Variants in SELENON observed in about 807,000 individuals in gnomAD.
SELENON encodes selenoprotein N, 1.
In SELENON, 44 loss-of-function variants were observed where a neutral mutation model predicts 59.5. That is an observed-to-expected ratio of 0.74 (90% CI 0.58 to 0.95). The LOEUF (loss-of-function observed/expected upper bound fraction) is 0.95, where lower values mean the gene tolerates loss of function less well. Ranked by LOEUF, SELENON falls within the 40% of genes least tolerant of loss-of-function variation. SELENON has a pLI of 0.00. For synonymous variants in SELENON, 320 were observed against 305.6 expected, an observed-to-expected ratio of 1.05 and a Z score of -0.49; for missense variants, 674 against 721.4, an observed-to-expected ratio of 0.93 and a Z score of 0.75.
intron 4 of SELENON, 38 bp downstream of exon 3, chr1:25,805,313 G>A (rs757911753): frequency 6.2e-7 from 1 of 1,613,426 alleles, no homozygotes; most frequent in Admixed American, 1.7e-5. Flanking sequence ...TCATCTGTGT[G>A]TATCCCGAAG....
chr1:25,814,263 TC>T, intron 12 of SELENON, 85 bp downstream of exon 11: 1 of 998,352 alleles, frequency 1.0e-6, no homozygotes. Context: ...TGTGCAGACT[TC>T]ATCAGGCTTC....
Position 25,813,873 on chromosome 1 carries a change from C to CT in SELENON, c.1388-7dup, listed in dbSNP as rs760765615. 1.2e-6 allele frequency: 2 copies of CT among 1,612,674 alleles called. No individual in the cohort carries two copies. The highest frequency in any genetic ancestry group is 1.7e-6 in the Non-Finnish European group (2 of 1,178,840). On this transcript the variant is annotated splice_polypyrimidine_tract_variant and splice_region_variant and intron_variant, in intron 10 of 12. Coordinates refer to ENST00000361547, the MANE Select transcript of SELENON (RefSeq NM_020451.3). ...GGGGGCGCCTCACCCTTCTGTCTTC[C>CT]TGAACAGGTTCAGGGCGGACTCTCC...
rs966454199 is a variant in SELENON, at chr1:25,817,953, C to T, written c.*2235C>T. Reference sequence around the variant, plus strand: ...TGATGCTCTCTCTCTGCCTCCCCCCCCATCCTGTCAGGCACAGGTGACGGG... The same window carrying T: ...TGATGCTCTCTCTCTGCCTCCCCCCTCATCCTGTCAGGCACAGGTGACGGG... On this transcript the variant is annotated 3_prime_UTR_variant, in exon 13 of 13. Coordinates refer to ENST00000361547, the MANE Select transcript of SELENON (RefSeq NM_020451.3). The T allele has an allele frequency of 2.6e-5, 4 of 151,808 alleles. No individual in the cohort carries two copies. Among genetic ancestry groups the T allele is most frequent in the African/African-American group, 4.9e-5 (2 of 40,924 alleles). The allele number at this position is 151,808 out of a possible 1,614,324, so 9.4% of individuals were successfully genotyped here.
chr1:25,815,478 T>C (rs1461432854), intron 12 of SELENON, 70 bp from the exon 12 acceptor site: 32 of 1,335,664 alleles, frequency 2.4e-5, no homozygotes, highest in Admixed American at 3.4e-5. Context: ...CTTCTCCCCA[T>C]AGAAGAGAGG....
chr1:25,806,128 G>A lies in SELENON; in HGVS notation c.537+853G>A, dbSNP rs771189878. 5.3e-5 allele frequency among the ~76,000 whole-genome samples: 8 copies of A among 152,314 alleles called. 1 individual carries two copies. The highest frequency in any genetic ancestry group is 1.7e-4 in the African/African-American group (7 of 41,564). On this transcript the variant is annotated intron_variant, in intron 4 of 12. Transcript: ENST00000361547. ...ATCTCAGCCAATGCCACTTCAGCAC[G>A]AACAGAGGCCTGAAGGCAGGAGTGC... is the stretch of plus-strand genomic sequence containing the variant.
At position 25,815,773 on chromosome 1, in the gene SELENON, C is replaced by G; in HGVS notation, c.*55C>G. The G allele has an allele frequency of 6.3e-7, 1 of 1,590,094 alleles. No homozygotes were observed. Among genetic ancestry groups the G allele is most frequent in the Admixed American group, 1.7e-5 (1 of 59,920 alleles). On this transcript the variant is annotated 3_prime_UTR_variant, in exon 13 of 13. Coordinates refer to ENST00000361547, the MANE Select transcript of SELENON (RefSeq NM_020451.3). ...CCCCACGCCTCAGAGCCAGAGTGGT[C>G]CTCAGCCCATTTCAGACTGCAGATG...
rs753828240 is a variant in SELENON, at chr1:25,801,143, T to C, written c.284T>C (p.Ile95Thr). The change falls in exon 2 of 13, where the codon ATT becomes ACT. Residue 95 changes from isoleucine (I) to threonine (T), a missense_variant. Coordinates refer to ENST00000361547, the MANE Select transcript of SELENON (RefSeq NM_020451.3). The stretch of plus-strand genomic sequence containing the variant: ...ATCAGCCCTGAGGAGTTCAAACCCA[T>C]TGCTGAGAAGCTAACAGGTACCAGG... 9 of 1,613,792 alleles carry C rather than the reference T, an allele frequency of 5.6e-6. No individual in the cohort carries two copies. The highest frequency in any genetic ancestry group is 7.6e-6 in the Non-Finnish European group (9 of 1,179,748).
chr1:25,802,150 C>T (rs915295038), intron 3 of SELENON: 2 of 223,242 alleles, frequency 9.0e-6, no homozygotes, highest in South Asian at 4.2e-5. Flanking sequence ...GCTACCACGC[C>T]CAGCTGATTT....
rs59333545 is a variant in SELENON, at chr1:25,812,564, AACACACACACAC to A, written c.1282-92_1282-81del. 5,665 of 572,720 alleles carry A rather than the reference AACACACACACAC, an allele frequency of 9.9e-3. 44 individuals are homozygous for A. Among genetic ancestry groups the A allele is most frequent in the East Asian group, 0.058 (1,850 of 31,950 alleles). The allele number at this position is 572,720 out of a possible 1,614,324, so 35.5% of individuals were successfully genotyped here. A position where few individuals can be genotyped will look rare whatever the true frequency, so the allele number is the denominator to read the frequency against. The stretch of plus-strand genomic sequence containing the variant: ...ACACAAATATATATGCCTACACACA[AACACACACACAC>A]ACACACACACACACACACACACACA... On this transcript the variant is annotated intron_variant, in intron 9 of 12. Transcript: ENST00000361547.
chr1:25,814,737 C>T lies in SELENON; in HGVS notation c.1602+559C>T, dbSNP rs115262228. Among the ~76,000 whole-genome samples, 583 of 152,254 alleles carry T rather than the reference C, an allele frequency of 3.8e-3. 3 individuals are homozygous for T. The highest frequency in any genetic ancestry group is 0.013 in the African/African-American group (541 of 41,528). ...CAATTAAGTGCAGCTGGCTTTGAAC[C>T]GAGGCCTGCCCTTGAGCCTCAGATC... On this transcript the variant is annotated intron_variant, in intron 12 of 12. Coordinates refer to ENST00000361547, the MANE Select transcript of SELENON (RefSeq NM_020451.3).
At position 25,805,883 on chromosome 1, in the gene SELENON, G is replaced by A. The variant is rs755596685; in HGVS notation, c.537+608G>A. On this transcript the variant is annotated intron_variant, in intron 4 of 12. Coordinates refer to ENST00000361547, the MANE Select transcript of SELENON (RefSeq NM_020451.3). ...AGGCCCTTTGGACAGGGTCCTGAGC[G>A]CATTGCAGGATGAAGCTGCCTCAGC... Among the ~76,000 whole-genome samples, 7 of 152,268 alleles carry A rather than the reference G, an allele frequency of 4.6e-5. 1 individual carries two copies. In the Middle Eastern group the frequency reaches 0.01, roughly 222 times the overall value.
Position 25,802,996 on chromosome 1 carries a change from C to T in SELENON, c.403+879C>T, listed in dbSNP as rs75080741. Among the ~76,000 whole-genome samples, 1,227 of 152,238 alleles carry T rather than the reference C, an allele frequency of 8.1e-3. 16 individuals are homozygous for T. Among genetic ancestry groups the T allele is most frequent in the African/African-American group, 0.026 (1,065 of 41,506 alleles). ...AGGGGTGTATTGTGTAGGTTGGTTC[C>T]GTGCTGGCCCGGTGACCTGTGATCA... On this transcript the variant is annotated intron_variant, in intron 3 of 12. Transcript: ENST00000361547.
At position 25,816,112 on chromosome 1, in the gene SELENON, CTT is replaced by C. The variant is rs977703108; in HGVS notation, c.*396_*397del. ...AGACGGGGCCACCACCCTCTCCTTG[CTT>C]TCAGCCCTTCCCACAGGAAACATCA... On this transcript the variant is annotated 3_prime_UTR_variant, in exon 13 of 13. Coordinates refer to ENST00000361547, the MANE Select transcript of SELENON (RefSeq NM_020451.3). 2 of 173,176 alleles carry C rather than the reference CTT, an allele frequency of 1.2e-5. No homozygotes were observed. The highest frequency in any genetic ancestry group is 4.8e-5 in the African/African-American group (2 of 42,070). 10.7% of individuals were successfully genotyped at this position (173,176 alleles called of 1,614,324 possible).
At position 25,807,450 on chromosome 1, in the gene SELENON, C is replaced by A. The variant is rs1296924561; in HGVS notation, c.538-1130C>A. Among the ~76,000 whole-genome samples, 1 of 152,190 alleles carries A rather than the reference C, an allele frequency of 6.6e-6. No homozygotes were observed. The highest frequency in any genetic ancestry group is 1.9e-4 in the East Asian group (1 of 5,190). Reference sequence around the variant, plus strand: ...ACCTTCCACAAAAGGAGATGGGGAACCCATCTCCATGGATTTGGCAGTGAT... The same window carrying A: ...ACCTTCCACAAAAGGAGATGGGGAAACCATCTCCATGGATTTGGCAGTGAT... On this transcript the variant is annotated intron_variant, in intron 4 of 12. Transcript: ENST00000361547. The surrounding 1 kb of genome is among the most constrained non-coding windows in gnomAD (Gnocchi z 4.5).
At chr1:25,812,599 A>ACG in intron 9 of SELENON, 88 bp from the exon 9 acceptor site, 3 of 833,818 alleles carry the variant, frequency 3.6e-6, no homozygotes, top group Non-Finnish European at 5.8e-6. Context: ...ACACACACAC[A>ACG]CACACACTTG....
chr1:25,810,756 G>A (rs74060851), intron 7 of SELENON, among the ~76,000 whole-genome samples: 3,243 of 152,294 alleles, frequency 0.021, 123 homozygotes, highest in African/African-American at 0.074. Flanking sequence ...CCCGGTCAAA[G>A]GGAAAAGGAA....
chr1:25,817,324 C>T lies in SELENON; in HGVS notation c.*1606C>T, dbSNP rs1217657812. The stretch of plus-strand genomic sequence containing the variant: ...CCACCTCCCAGGTTCAAGCAATTCT[C>T]TTGCCTCAGCCTCCCGAGTAGCTGG... On this transcript the variant is annotated 3_prime_UTR_variant, in exon 13 of 13. Coordinates refer to ENST00000361547, the MANE Select transcript of SELENON (RefSeq NM_020451.3). 6.6e-6 allele frequency: 1 copy of T among 152,418 alleles called. No homozygotes were observed. The highest frequency in any genetic ancestry group is 1.9e-4 in the East Asian group (1 of 5,206). The allele number at this position is 152,418 out of a possible 1,614,324, so 9.4% of individuals were successfully genotyped here.
intron 3 of SELENON, among the ~76,000 whole-genome samples, chr1:25,802,689 T>C (rs1296695913): frequency 6.6e-6 from 1 of 152,242 alleles, no homozygotes; most frequent in South Asian, 2.1e-4. Flanking sequence ...TTTTGCCTAG[T>C]GCAGTCAGTG....
At chr1:25,814,387 C>T (rs1427756525) in intron 12 of SELENON, among the ~76,000 whole-genome samples, 2 of 152,156 alleles carry the variant, frequency 1.3e-5, no homozygotes, top group Non-Finnish European at 2.9e-5. Flanking sequence ...TGTTGGTCAT[C>T]GGGGGCTGCG....
Sources: gnomAD v4.1 joint callset for allele counts (sites outside exome capture counted in the v4.1 genomes callset) on GRCh38, gnomAD v4.1.1 for gene constraint, Gnocchi (gnomAD v3.1) non-coding constraint, MANE v1.5 for transcripts, NCBI Gene and HGNC (gene_info 2026-07-23, HGNC 2026-07-21) for gene names.